KCNMA1: variants seen among roughly 807,000 people sequenced by gnomAD.
KCNMA1 encodes Calcium-activated potassium channel subunit alpha-1.
In KCNMA1, 29 loss-of-function variants were observed where a neutral mutation model predicts 140.0. That is an observed-to-expected ratio of 0.21 (90% CI 0.15 to 0.28). The LOEUF is 0.28. Among genes scored for constraint, KCNMA1 ranks in the 10% least tolerant of loss-of-function variants. The pLI, the probability that KCNMA1 is intolerant of heterozygous loss-of-function variation, is 1.00. For missense variants in KCNMA1, 880 were observed against 1,602.2 expected (o/e 0.55, Z 7.70); for synonymous variants, 612 against 611.9 (o/e 1.00, Z 0.00).
intron 2 of KCNMA1, among the ~76,000 whole-genome samples, chr10:77,332,462 G>C (rs1258847530): frequency 3.9e-5 from 6 of 152,170 alleles, no homozygotes; most frequent in African/African-American, 1.4e-4. Context: ...CATGAGGGCT[G>C]TTCTGCCCAT....
chr10:77,168,190 C>A (rs986241757), intron 5 of KCNMA1, among the ~76,000 whole-genome samples: 1 of 152,162 alleles, frequency 6.6e-6, no homozygotes, highest in African/African-American at 2.4e-5. Flanking sequence ...AGTTCGAATT[C>A]TTGCTGTATC....
At chr10:76,890,704 G>A (rs2039615262) in intron 26 of KCNMA1, among the ~76,000 whole-genome samples, 2 of 152,172 alleles carry the variant, frequency 1.3e-5, no homozygotes, top group South Asian at 2.1e-4. Context: ...ACTTATGGCT[G>A]CATCTCTTAA....
At chr10:77,605,815 G>A (rs1381360543) in intron 1 of KCNMA1, among the ~76,000 whole-genome samples, 2 of 152,204 alleles carry the variant, frequency 1.3e-5, no homozygotes, top group African/African-American at 2.4e-5. Flanking sequence ...CTTCCTAACT[G>A]CCACATCCTT....
chr10:77,306,404 C>A (rs1249391702), intron 2 of KCNMA1, among the ~76,000 whole-genome samples: 1 of 152,044 alleles, frequency 6.6e-6, no homozygotes, highest in East Asian at 1.9e-4. Flanking sequence ...GGAGGCTAAG[C>A]AAAAGGTGGG....
intron 1 of KCNMA1, among the ~76,000 whole-genome samples, chr10:77,474,191 C>A (rs977095823): frequency 1.3e-5 from 2 of 152,218 alleles, no homozygotes; most frequent in Non-Finnish European, 2.9e-5. Flanking sequence ...GTAAATCACA[C>A]ACGGCATGAT....
At chr10:77,606,331 C>A (rs540134759) in intron 1 of KCNMA1, among the ~76,000 whole-genome samples, 4 of 152,306 alleles carry the variant, frequency 2.6e-5, no homozygotes, top group Admixed American at 1.3e-4. Context: ...CCCCTCATGG[C>A]CCTCAAAAAG....
chr10:77,069,302 C>G (rs61868837), intron 14 of KCNMA1, among the ~76,000 whole-genome samples: 1 of 152,136 alleles, frequency 6.6e-6, no homozygotes, highest in South Asian at 2.1e-4. Flanking sequence ...GATGTTCGTG[C>G]GAACTCCTTA....
At chr10:77,632,786 A>C (rs1310744968) in intron 1 of KCNMA1, among the ~76,000 whole-genome samples, 1 of 152,248 alleles carries the variant, frequency 6.6e-6, no homozygotes. Flanking sequence ...TATGATAGTT[A>C]CCACTTACAA....
chr10:77,490,748 G>A (rs1234229587), intron 1 of KCNMA1, among the ~76,000 whole-genome samples: 4 of 152,212 alleles, frequency 2.6e-5, no homozygotes, highest in Non-Finnish European at 4.4e-5. Context: ...AGCTCTCACA[G>A]GAGTAGGGAA....
chr10:77,574,302 T>G (rs144394810), intron 1 of KCNMA1, among the ~76,000 whole-genome samples: 7 of 152,108 alleles, frequency 4.6e-5, no homozygotes, highest in African/African-American at 1.2e-4. Flanking sequence ...TGTATCCACA[T>G]GTATATATAA....
intron 5 of KCNMA1, among the ~76,000 whole-genome samples, chr10:77,138,442 A>G (rs928179209): frequency 2.4e-4 from 37 of 152,036 alleles, no homozygotes; most frequent in African/African-American, 7.5e-4. Context: ...CATCTTAAAT[A>G]TATGTGAAAT....
At chr10:77,038,761 G>A (rs962528778) in intron 15 of KCNMA1, among the ~76,000 whole-genome samples, 2 of 152,082 alleles carry the variant, frequency 1.3e-5, no homozygotes, top group Non-Finnish European at 2.9e-5. Flanking sequence ...GGCTAGTCTT[G>A]AATGCCTAGC....
At chr10:77,184,000 T>A (rs552842209) in intron 4 of KCNMA1, among the ~76,000 whole-genome samples, 30 of 152,096 alleles carry the variant, frequency 2.0e-4, no homozygotes, top group Non-Finnish European at 4.1e-4. Flanking sequence ...GATTGGGTGA[T>A]TTTACTTGTA....
In KCNMA1 at chr10:77,312,675, G is replaced by C. The variant is rs1382514319; in HGVS notation, c.541-61419C>G. Among the ~76,000 whole-genome samples the C allele has an allele frequency of 2.0e-5, 3 of 152,112 alleles. No individual in the cohort carries two copies. The East Asian group carries it at 5.8e-4, about 29-fold the overall frequency. On this transcript the variant is annotated intron_variant, in intron 2 of 27. Coordinates refer to ENST00000286628, the MANE Select transcript of KCNMA1 (RefSeq NM_001161352.2). ...ATAAAAACACGGCAATGCTTCCAGG[G>C]CTGGATTTAGGGGAGAAAAGGGAGT...
intron 17 of KCNMA1, among the ~76,000 whole-genome samples, chr10:77,013,626 C>A (rs1318526604): frequency 3.3e-5 from 5 of 152,096 alleles, no homozygotes; most frequent in Admixed American, 3.3e-4. Flanking sequence ...ATGATAATAA[C>A]GGTAACAATC....
intron 2 of KCNMA1, among the ~76,000 whole-genome samples, chr10:77,254,115 GTAT>G (rs1461766509): frequency 2.6e-5 from 4 of 151,880 alleles, no homozygotes; most frequent in Non-Finnish European, 4.4e-5. Context: ...CATGGTAATG[GTAT>G]TATTATAGAG....
At chr10:77,048,473 G>A (rs1257493310) in intron 14 of KCNMA1, among the ~76,000 whole-genome samples, 2 of 152,178 alleles carry the variant, frequency 1.3e-5, no homozygotes, top group African/African-American at 4.8e-5. Context: ...AATAGCAGGT[G>A]TTATCTGAAA....
At chr10:77,520,058 AGTGTGAGG>A (rs2052460232) in intron 1 of KCNMA1, among the ~76,000 whole-genome samples, 1 of 127,972 alleles carries the variant, frequency 7.8e-6, no homozygotes, top group Non-Finnish European at 1.7e-5. Context: ...GAGGGTGTGC[AGTGTGAGG>A]GTGTGCAGTG....
At chr10:77,537,240 C>A (rs1207877200) in intron 1 of KCNMA1, among the ~76,000 whole-genome samples, 1 of 152,106 alleles carries the variant, frequency 6.6e-6, no homozygotes, top group Non-Finnish European at 1.5e-5. Context: ...CCCTCCACCC[C>A]CCTGCTCCTT....
Sources: gnomAD v4.1 joint callset for allele counts (sites outside exome capture counted in the v4.1 genomes callset) on GRCh38, gnomAD v4.1.1 for gene constraint, MANE v1.5 for transcripts, NCBI Gene and HGNC (gene_info 2026-07-23, HGNC 2026-07-21) for gene names.